HYDIN: variants seen among roughly 807,000 people sequenced by gnomAD.
HYDIN encodes the protein axonemal central pair apparatus protein HYDIN.
HYDIN carries 132 observed loss-of-function variants against 403.9 expected under a neutral mutation model. The ratio of observed to expected loss-of-function variants is 0.33; its 90% CI spans 0.28 to 0.38. The LOEUF (loss-of-function observed/expected upper bound fraction) is 0.38. HYDIN is among the 10% of genes least tolerant of loss of function. HYDIN has a pLI of 1.00. For missense variants in HYDIN, 2,827 were observed against 5,009.5 expected (o/e 0.56, Z 13.15); for synonymous variants, 1,202 against 1,891.7 (o/e 0.64, Z 9.46).
chr16:71,175,619 T>G lies in HYDIN; in HGVS notation c.504A>C (p.Pro168=). The change falls in exon 5 of 86, where the codon CCA becomes CCC. Residue 168 remains proline (P), a synonymous_variant. Transcript: ENST00000393567. The stretch of plus-strand genomic sequence containing the variant: ...TTCCTGGTATTACCTTGTTCTCCTC[T>G]GGAGTAAAGAGGATTCGGAATATGG... The part of the protein sequence containing the change: ...VPSIFRILFT[P]EENKDYAHTL... 1.9e-6 allele frequency: 3 copies of G among 1,614,154 alleles called. 1 individual carries two copies. In the South Asian group the frequency reaches 3.3e-5, roughly 18 times the overall value.
chr16:71,152,222 G>T (rs1398943094), intron 7 of HYDIN, among the ~76,000 whole-genome samples: 9 of 151,632 alleles, frequency 5.9e-5, no homozygotes, highest in African/African-American at 2.2e-4. Context: ...ATTTCTACTG[G>T]AGGCATTCAT....
chr16:71,054,150 A>G (rs1349512533), intron 18 of HYDIN, among the ~76,000 whole-genome samples: 3 of 152,288 alleles, frequency 2.0e-5, no homozygotes, highest in African/African-American at 4.8e-5. Flanking sequence ...CTGTGAGCTA[A>G]AAACTAAATA....
intron 41 of HYDIN, among the ~76,000 whole-genome samples, chr16:70,948,496 A>C (rs2077954014): frequency 6.6e-6 from 1 of 150,732 alleles, no homozygotes; most frequent in Non-Finnish European, 1.5e-5. Context: ...ACAGCAAAAG[A>C]AACTACCATC....
chr16:70,834,507 C>T (rs1798375), intron 78 of HYDIN, among the ~76,000 whole-genome samples: 126,817 of 151,880 alleles, frequency 0.83, 53,468 homozygotes, highest in African/African-American at 0.96. Flanking sequence ...AGCTCTGGCA[C>T]TTCTCAAGGA....
intron 12 of HYDIN, 60 bp from the exon 13 acceptor site, chr16:71,080,012 T>C: frequency 6.1e-6 from 4 of 660,302 alleles, no homozygotes; most frequent in Non-Finnish European, 1.1e-5. Context: ...AGAGTCACAA[T>C]CAGGAAGTAG....
At chr16:71,125,794 C>G (rs1241266359) in intron 9 of HYDIN, among the ~76,000 whole-genome samples, 3 of 152,344 alleles carry the variant, frequency 2.0e-5, no homozygotes, top group African/African-American at 7.2e-5. Context: ...TCTCAGATTT[C>G]TGCCATTTCC....
chr16:71,041,597 G>A (rs1028581947), intron 18 of HYDIN, among the ~76,000 whole-genome samples: 6 of 152,068 alleles, frequency 3.9e-5, no homozygotes, highest in South Asian at 2.1e-4. Context: ...ATTGTTGAGT[G>A]AAAATAACTG....
At chr16:70,877,742 T>C (rs2040535191) in intron 62 of HYDIN, among the ~76,000 whole-genome samples, 1 of 151,982 alleles carries the variant, frequency 6.6e-6, no homozygotes, top group African/African-American at 2.4e-5. Context: ...CAGATGAGCT[T>C]TTGCTCATGA....
In HYDIN at chr16:70,860,761, C is replaced by T. The variant is rs1260943826; in HGVS notation, c.11918G>A (p.Ser3973Asn). 3 of 589,942 alleles carry T rather than the reference C, an allele frequency of 5.1e-6. No individual in the cohort carries two copies. The highest frequency in any genetic ancestry group is 3.8e-5 in the South Asian group (2 of 52,304). The allele number at this position is 589,942 out of a possible 1,614,324, so 36.5% of individuals were successfully genotyped here. The change falls in exon 70 of 86, where the codon AGT becomes AAT. Residue 3973 changes from serine (S) to asparagine (N), a missense_variant. Transcript: ENST00000393567. ...GGTGTTTGGATCCAGAGCTCCCCCA[C>T]TGGACCCTCGGAGCTCTGGGTTGCG... ...HQRNPELRGSSGGALDPNTRV... is the reference protein window; with the variant it reads ...HQRNPELRGSNGGALDPNTRV...
chr16:70,964,408 C>T (rs1174066206), intron 37 of HYDIN, among the ~76,000 whole-genome samples: 4 of 151,246 alleles, frequency 2.6e-5, no homozygotes, highest in Non-Finnish European at 5.9e-5. Flanking sequence ...CCTGGCCTCT[C>T]TGCGCTTCAG....
intron 1 of HYDIN, chr16:71,203,998 G>A (rs771130676): frequency 3.5e-5 from 11 of 312,718 alleles, no homozygotes; most frequent in Non-Finnish European, 6.3e-5. Flanking sequence ...CTGAGAAGCA[G>A]AGGTTGCAGT....
chr16:70,869,816 G>A (rs2039990597), intron 65 of HYDIN, among the ~76,000 whole-genome samples: 1 of 152,282 alleles, frequency 6.6e-6, no homozygotes, highest in East Asian at 1.9e-4. Context: ...AAATGTGGAA[G>A]TGACTTTGGA....
At chr16:70,937,573 T>C (rs1422205940) in intron 44 of HYDIN, among the ~76,000 whole-genome samples, 1 of 139,170 alleles carries the variant, frequency 7.2e-6, no homozygotes, top group Non-Finnish European at 1.6e-5. Flanking sequence ...GAGAATTGCT[T>C]GAACCCAGGA....
intron 7 of HYDIN, among the ~76,000 whole-genome samples, chr16:71,151,466 C>G (rs1199732862): frequency 6.6e-6 from 1 of 151,660 alleles, no homozygotes; most frequent in Non-Finnish European, 1.5e-5. Context: ...ACACACAGAT[C>G]ACCCCAATCT....
At chr16:71,019,280 G>A (rs1174572936) in intron 22 of HYDIN, among the ~76,000 whole-genome samples, 1 of 152,292 alleles carries the variant, frequency 6.6e-6, no homozygotes, top group Non-Finnish European at 1.5e-5. Context: ...CCCTAAGGCA[G>A]TTGGGAAGAA....
At chr16:71,134,105 T>C (rs2084818484) in intron 8 of HYDIN, among the ~76,000 whole-genome samples, 1 of 151,852 alleles carries the variant, frequency 6.6e-6, no homozygotes, top group African/African-American at 2.4e-5. Context: ...GGGGCTGAAA[T>C]TCCTCCACTG....
At chr16:71,026,924 A>C (rs2080725185) in intron 20 of HYDIN, among the ~76,000 whole-genome samples, 1 of 152,000 alleles carries the variant, frequency 6.6e-6, no homozygotes, top group Admixed American at 6.5e-5. Flanking sequence ...TCTCATCTAC[A>C]AGGTCTGCAT....
At chr16:71,128,099 A>C (rs2084545726) in intron 9 of HYDIN, among the ~76,000 whole-genome samples, 1 of 151,974 alleles carries the variant, frequency 6.6e-6, no homozygotes, top group Admixed American at 6.6e-5. Context: ...CTGTCCTGTG[A>C]GACTCAGGCC....
chr16:70,945,734 G>C (rs56860459), intron 41 of HYDIN, among the ~76,000 whole-genome samples: 567 of 152,244 alleles, frequency 3.7e-3, no homozygotes, highest in African/African-American at 0.011. Flanking sequence ...GCGTTTCCAA[G>C]AGGAGGGGGT....
Sources: allele counts gnomAD v4.1 joint callset (sites outside exome capture counted in the v4.1 genomes callset), GRCh38; gene constraint gnomAD v4.1.1; transcripts MANE v1.5; gene names NCBI Gene and HGNC (gene_info 2026-07-23, HGNC 2026-07-21).